Variants in CA5A observed in about 807,000 individuals in gnomAD.
The protein encoded by CA5A is carbonic anhydrase 5A.
A neutral mutation model predicts 37.1 loss-of-function variants in CA5A; 28 were observed. The ratio of observed to expected loss-of-function variants is 0.75; its 90% CI spans 0.56 to 1.03. The LOEUF (loss-of-function observed/expected upper bound fraction) is 1.03. Among genes scored for constraint, CA5A ranks in the 50% least tolerant of loss-of-function variants. The probability of loss-of-function intolerance (pLI) is 0.00; values close to 1 mark genes in which losing one functional copy is unlikely to be tolerated. For synonymous variants in CA5A, 171 were observed against 158.4 expected (o/e 1.08, Z -0.60); for missense variants, 444 against 399.9 (o/e 1.11, Z -0.94).
chr16:87,929,871 C>CAAAAA (rs58941982), intron 1 of CA5A, among the ~76,000 whole-genome samples: 1,421 of 61,994 alleles, frequency 0.023, 271 homozygotes, highest in African/African-American at 0.066. Flanking sequence ...GACTCCGTCT[C>CAAAAA]AAAAAAAAAA....
At position 87,904,116 on chromosome 16, in the gene CA5A, T is replaced by C. The variant is rs546012386; in HGVS notation, c.459+670A>G. Among the ~76,000 whole-genome samples, 391 of 151,960 alleles carry C rather than the reference T, an allele frequency of 2.6e-3. 1 individual carries two copies. The highest frequency in any genetic ancestry group is 9.1e-3 in the African/African-American group (375 of 41,432). On this transcript the variant is annotated intron_variant, in intron 3 of 6. Coordinates refer to ENST00000649794, the MANE Select transcript of CA5A (RefSeq NM_001739.2). Reference sequence around the variant, plus strand: ...TAGCACTTTGGGAGGCTGAGGTGGGTGGATCACTTGAGGTCAGGAGTTCGA... The same window carrying C: ...TAGCACTTTGGGAGGCTGAGGTGGGCGGATCACTTGAGGTCAGGAGTTCGA...
intron 2 of CA5A, chr16:87,923,648 G>A (rs2056260862): frequency 2.0e-6 from 2 of 985,402 alleles, no homozygotes; most frequent in Non-Finnish European, 2.4e-6. Flanking sequence ...TGTCAGCTCA[G>A]GGTCAGCCAC....
intron 2 of CA5A, among the ~76,000 whole-genome samples, chr16:87,905,241 G>A (rs1396597189): frequency 6.6e-6 from 1 of 151,828 alleles, no homozygotes; most frequent in Non-Finnish European, 1.5e-5. Flanking sequence ...TGTCCTATAA[G>A]ATTTCCAGAC....
At chr16:87,898,707 T>C (rs1005559883) in intron 5 of CA5A, among the ~76,000 whole-genome samples, 2 of 149,666 alleles carry the variant, frequency 1.3e-5, no homozygotes, top group African/African-American at 2.5e-5. Flanking sequence ...CATTACATGG[T>C]GAGAATGCTG....
At chr16:87,892,948 A>T in intron 5 of CA5A, 1 of 874,522 alleles carries the variant, frequency 1.1e-6, no homozygotes, top group Non-Finnish European at 1.8e-6. Flanking sequence ...TGCCCGGCCT[A>T]TGGGCTCCTT....
downstream of CA5A, chr16:87,884,261 C>CAAAAAAGA (rs2055630900): frequency 3.7e-5 from 1 of 26,794 alleles, no homozygotes; most frequent in Non-Finnish European, 7.9e-5. Flanking sequence ...ACTAAAAATG[C>CAAAAAAGA]AAAAAAAAAA....
rs571734379 is a variant in CA5A at position 87,919,526 on chromosome 16, C to T, written c.340+7222G>A. The stretch of plus-strand genomic sequence containing the variant: ...CCCATCAGGGAACCCCCGTGAGTGT[C>T]CCCTGGGGAAAGCAGAGTCTGGGGG... On this transcript the variant is annotated intron_variant, in intron 2 of 6. Transcript: ENST00000649794. Among the ~76,000 whole-genome samples, 87 of 152,262 alleles carry T rather than the reference C, an allele frequency of 5.7e-4. 2 individuals carry two copies. In the South Asian group the frequency reaches 0.011, roughly 19 times the overall value.
At chr16:87,918,495 T>C (rs1275123320) in intron 2 of CA5A, among the ~76,000 whole-genome samples, 1 of 151,596 alleles carries the variant, frequency 6.6e-6, no homozygotes, top group East Asian at 2.0e-4. Context: ...CCTTGGCCCA[T>C]GCTTGCTCCA....
Position 87,902,009 on chromosome 16 carries a change from G to C in CA5A, c.556-35C>G, listed in dbSNP as rs1457242430. ...AGACAAAGGAGGGGTTAGCTGCAAAGGCAGTGGATGGGGGGGGAAGCTCAC... is the reference window on the plus strand; with the variant it reads ...AGACAAAGGAGGGGTTAGCTGCAAACGCAGTGGATGGGGGGGGAAGCTCAC... On this transcript the variant is annotated intron_variant, in intron 4 of 6. Transcript: ENST00000649794. 1.9e-6 allele frequency: 3 copies of C among 1,584,744 alleles called. No individual in the cohort carries two copies. In the South Asian group the frequency reaches 3.3e-5, roughly 18 times the overall value.
intron 2 of CA5A, among the ~76,000 whole-genome samples, chr16:87,920,856 C>T (rs551213937): frequency 1.2e-4 from 18 of 152,190 alleles, no homozygotes; most frequent in African/African-American, 3.9e-4. Context: ...TGCAATGGCA[C>T]GATCTCGGCT....
intron 4 of CA5A, chr16:87,882,082 C>G (rs1381048823): frequency 6.6e-6 from 1 of 152,194 alleles, no homozygotes; most frequent in African/African-American, 2.4e-5. Flanking sequence ...CCCAAGCCCA[C>G]CTGGAAATGG....
chr16:87,886,688 G>A (rs1299991690), downstream of CA5A: 1 of 152,024 alleles, frequency 6.6e-6, no homozygotes, highest in African/African-American at 2.4e-5. Context: ...CCCATGGATC[G>A]ACTGATGAAT....
intron 5 of CA5A, chr16:87,893,626 C>A (rs1047992092): frequency 4.4e-6 from 3 of 685,420 alleles, no homozygotes; most frequent in South Asian, 4.2e-5. Context: ...TACCTACAGA[C>A]GGAGTGCTGT....
Position 87,911,705 on chromosome 16 carries a change from T to C in CA5A, c.341-6801A>G, listed in dbSNP as rs2056055314. Among the ~76,000 whole-genome samples the C allele has an allele frequency of 6.6e-6, 1 of 152,176 alleles. No homozygotes were observed. The highest frequency in any genetic ancestry group is 2.4e-5 in the African/African-American group (1 of 41,442). ...CACAGAACTCCGCGACGATGGAACC[T>C]AGACTGCTCCCTGGAAGTTAGCCTC... On this transcript the variant is annotated intron_variant, in intron 2 of 6. Coordinates refer to ENST00000649794, the MANE Select transcript of CA5A (RefSeq NM_001739.2). This position sits in a 1 kb window ranked among gnomAD's most constrained non-coding sequence, Gnocchi z 4.6.
intron 2 of CA5A, among the ~76,000 whole-genome samples, chr16:87,923,137 G>A (rs1431475887): frequency 6.6e-6 from 1 of 152,144 alleles, no homozygotes. Flanking sequence ...TGAGGGTCCC[G>A]CAATACTCTC....
intron 1 of CA5A, among the ~76,000 whole-genome samples, chr16:87,929,881 A>AAAAT (rs1555524426): frequency 3.3e-5 from 5 of 151,370 alleles, no homozygotes; most frequent in Non-Finnish European, 7.4e-5. Flanking sequence ...CAAAAAAAAA[A>AAAAT]AAAAAAAAAA....
rs539227866 is a variant in CA5A, at chr16:87,888,565, G to A, written c.775-293C>T. Among the ~76,000 whole-genome samples, 20 of 152,200 alleles carry A rather than the reference G, an allele frequency of 1.3e-4. No homozygotes were observed. In the South Asian group the frequency reaches 2.1e-3, roughly 16 times the overall value. On this transcript the variant is annotated intron_variant, in intron 6 of 6. Coordinates refer to ENST00000649794, the MANE Select transcript of CA5A (RefSeq NM_001739.2). ...AGGGAGAGGAACTGAGGCTCCCAGC[G>A]AACTGCCAGCACCAACTTGCTAGCT...
At chr16:87,923,617 C>G (rs1036302082) in intron 2 of CA5A, 1 of 985,366 alleles carries the variant, frequency 1.0e-6, no homozygotes, top group African/African-American at 1.7e-5. Flanking sequence ...GTGCCTGATG[C>G]TCCACCAGCT....
intron 6 of CA5A, among the ~76,000 whole-genome samples, chr16:87,889,154 G>T (rs543060547): frequency 6.6e-6 from 1 of 151,662 alleles, no homozygotes; most frequent in African/African-American, 2.4e-5. Flanking sequence ...CCTGACCTCA[G>T]GTTATCCACC....
Sources: gnomAD v4.1 joint callset for allele counts (sites outside exome capture counted in the v4.1 genomes callset) on GRCh38, gnomAD v4.1.1 for gene constraint, Gnocchi (gnomAD v3.1) non-coding constraint, MANE v1.5 for transcripts, NCBI Gene and HGNC (gene_info 2026-07-23, HGNC 2026-07-21) for gene names.